Variants in CNTNAP2 observed in about 807,000 individuals in gnomAD.
CNTNAP2 encodes contactin associated protein 2, also known as contactin-associated protein-like 2.
A neutral mutation model predicts 155.2 loss-of-function variants in CNTNAP2; 98 were observed. The observed-to-expected ratio is 0.63, with a 90% CI of 0.54 to 0.75. CNTNAP2 has a LOEUF of 0.75. Among genes scored for constraint, CNTNAP2 ranks in the 30% least tolerant of loss-of-function variants. The probability of loss-of-function intolerance (pLI) is 0.00; values close to 1 mark genes in which losing one functional copy is unlikely to be tolerated. For synonymous variants in CNTNAP2, 651 were observed against 631.2 expected (o/e 1.03, Z -0.47); for missense variants, 1,727 against 1,688.1 (o/e 1.02, Z -0.40).
At chr7:147,203,531 C>A (rs1584790863) in intron 8 of CNTNAP2, among the ~76,000 whole-genome samples, 1 of 152,274 alleles carries the variant, frequency 6.6e-6, no homozygotes, top group East Asian at 1.9e-4. Context: ...CACGCCCAGG[C>A]TCTTAATTTT....
Position 147,903,821 on chromosome 7 carries a change from C to T in CNTNAP2, c.2255+100C>T, listed in dbSNP as rs17170742. 67,126 of 1,408,746 alleles carry T rather than the reference C, an allele frequency of 0.048. 1,869 individuals carry two copies. The highest frequency in any genetic ancestry group is 0.056 in the Non-Finnish European group (57,139 of 1,024,372). The allele number at this position is 1,408,746 out of a possible 1,614,324, so 87.3% of individuals were successfully genotyped here. ...AAGTTTGAAAAGTGCTATAATAATA[C>T]GATAATAGGGTAGAAAGGTCTGGAA... On this transcript the variant is annotated intron_variant, in intron 14 of 23. Coordinates refer to ENST00000361727, the MANE Select transcript of CNTNAP2 (RefSeq NM_014141.6).
intron 8 of CNTNAP2, among the ~76,000 whole-genome samples, chr7:147,240,341 C>T (rs1803908064): frequency 6.6e-6 from 1 of 152,118 alleles, no homozygotes; most frequent in Admixed American, 6.5e-5. Flanking sequence ...AAAGAAAATG[C>T]ATAGTATTTA....
intron 13 of CNTNAP2, among the ~76,000 whole-genome samples, chr7:147,735,869 T>G (rs1005922651): frequency 1.6e-4 from 24 of 151,700 alleles, no homozygotes; most frequent in Non-Finnish European, 2.2e-4. Context: ...GTTTTCCATT[T>G]GCCTGGTAGA....
chr7:146,647,326 TAAG>T (rs1338740396), intron 1 of CNTNAP2, among the ~76,000 whole-genome samples: 1 of 151,940 alleles, frequency 6.6e-6, no homozygotes, highest in East Asian at 2.0e-4. Context: ...ATCCTTCTGT[TAAG>T]AAGGAGAAGA....
At chr7:146,684,622 CAATAATAGATCCA>C in intron 1 of CNTNAP2, among the ~76,000 whole-genome samples, 1 of 63,974 alleles carries the variant, frequency 1.6e-5, no homozygotes, top group Non-Finnish European at 2.8e-5. Context: ...CAGCTTCGAG[CAATAATAGATCCA>C]GCGCAAAAAA....
rs371512835 is a variant in CNTNAP2 at position 147,108,278 on chromosome 7, G to T, written c.682G>T (p.Gly228Ter). ...TSESEGVILH[G>*]EGQQGDYITL... ...TGAAAGTGAAGGAGTAATCCTGCAC[G>T]GAGAAGGACAGCAAGGAGATTACAT... The change falls in exon 5 of 24, where the codon GGA (glycine) becomes TGA (stop). Residue 228 changes from glycine to a stop codon, truncating the protein, a stop_gained. Coordinates refer to ENST00000361727, the MANE Select transcript of CNTNAP2 (RefSeq NM_014141.6). LOFTEE classifies it high-confidence loss of function. 6.2e-7 allele frequency: 1 copy of T among 1,613,698 alleles called. No homozygotes were observed. Among genetic ancestry groups the T allele is most frequent in the Admixed American group, 1.7e-5 (1 of 59,970 alleles).
chr7:147,514,847 G>A (rs1408653041), intron 11 of CNTNAP2, among the ~76,000 whole-genome samples: 3 of 152,058 alleles, frequency 2.0e-5, no homozygotes, highest in South Asian at 4.1e-4. Flanking sequence ...AAACACCATC[G>A]TCCTCTGTCT....
chr7:146,979,744 TGAGGGCACCAA>T (rs1178800578), intron 3 of CNTNAP2, among the ~76,000 whole-genome samples: 1 of 152,156 alleles, frequency 6.6e-6, no homozygotes, highest in East Asian at 1.9e-4. Flanking sequence ...CTAAATATTA[TGAGGGCACCAA>T]GAGGGTTACA....
In CNTNAP2 at chr7:148,210,316, C is replaced by T. The variant is rs1453724712; in HGVS notation, c.3011-6972C>T. 3.9e-5 allele frequency among the ~76,000 whole-genome samples: 6 copies of T among 152,346 alleles called. No individual in the cohort carries two copies. The South Asian group carries it at 1.0e-3, about 26-fold the overall frequency. ...ATGAAGTTAGCTGTAGTGAAGCCCT[C>T]ATCTCATTTGCTGTCCCCAAAACAT... On this transcript the variant is annotated intron_variant, in intron 18 of 23. Coordinates refer to ENST00000361727, the MANE Select transcript of CNTNAP2 (RefSeq NM_014141.6).
At chr7:147,121,595 C>T (rs1249604123) in intron 6 of CNTNAP2, 1 of 163,622 alleles carries the variant, frequency 6.1e-6, no homozygotes, top group Non-Finnish European at 1.3e-5. Flanking sequence ...TTTAGAAACT[C>T]ATGACTGTAG....
chr7:146,275,798 G>A (rs1049651347), intron 1 of CNTNAP2, among the ~76,000 whole-genome samples: 2 of 152,144 alleles, frequency 1.3e-5, no homozygotes, highest in South Asian at 2.1e-4. Flanking sequence ...TGGAGGTTTC[G>A]CATTTCCCAT....
intron 8 of CNTNAP2, among the ~76,000 whole-genome samples, chr7:147,253,634 A>C (rs145632138): frequency 1.7e-3 from 254 of 152,284 alleles, no homozygotes; most frequent in African/African-American, 5.5e-3. Context: ...CGCTGTGAGC[A>C]AAACTGTTTC....
rs1804523837 is a variant in CNTNAP2 at position 148,118,405 on chromosome 7, G to A, written c.2554+117G>A. On this transcript the variant is annotated intron_variant, in intron 16 of 23. Coordinates refer to ENST00000361727, the MANE Select transcript of CNTNAP2 (RefSeq NM_014141.6). ...ACGTGGAAGGTTTCCTTTGTTCCAGGAGCAGGACTAGAGGTGGACACACAA... is the reference window on the plus strand; with the variant it reads ...ACGTGGAAGGTTTCCTTTGTTCCAGAAGCAGGACTAGAGGTGGACACACAA... 4 of 1,151,778 alleles carry A rather than the reference G, an allele frequency of 3.5e-6. No homozygotes were observed. In the East Asian group the frequency reaches 7.6e-5, roughly 22 times the overall value. The allele number at this position is 1,151,778 out of a possible 1,614,324, so 71.3% of individuals were successfully genotyped here.
At chr7:147,135,203 A>G (rs1231372012) in intron 8 of CNTNAP2, among the ~76,000 whole-genome samples, 2 of 151,838 alleles carry the variant, frequency 1.3e-5, no homozygotes, top group African/African-American at 2.4e-5. Context: ...AGTTGTGATT[A>G]CTGTCTTCAA....
chr7:146,303,027 T>C lies in CNTNAP2; in HGVS notation c.97+186054T>C, dbSNP rs375022110. Among the ~76,000 whole-genome samples the C allele has an allele frequency of 7.4e-4, 113 of 151,956 alleles. 1 individual carries two copies. In the South Asian group the frequency reaches 9.6e-3, roughly 13 times the overall value. ...AAAGTAATAGGTACTAAAGTAATGG[T>C]ATTGAGATTCAGAGATGGGAGAAAC... On this transcript the variant is annotated intron_variant, in intron 1 of 23. Transcript: ENST00000361727.
chr7:146,820,009 T>C (rs760915223), intron 2 of CNTNAP2, among the ~76,000 whole-genome samples: 1 of 152,214 alleles, frequency 6.6e-6, no homozygotes, highest in Non-Finnish European at 1.5e-5. Flanking sequence ...GTTATAGTGG[T>C]ATTTTCTTCA....
intron 3 of CNTNAP2, among the ~76,000 whole-genome samples, chr7:146,982,951 G>GA (rs560181340): frequency 5.9e-5 from 9 of 151,582 alleles, no homozygotes; most frequent in Non-Finnish European, 1.2e-4. Context: ...TGCAAAATTG[G>GA]AAAAAAAAGT....
chr7:147,737,268 TG>T (rs1379272633), intron 13 of CNTNAP2, among the ~76,000 whole-genome samples: 1 of 152,200 alleles, frequency 6.6e-6, no homozygotes, highest in Non-Finnish European at 1.5e-5. Flanking sequence ...GCAGGTCTGT[TG>T]GAGTTTGCTG....
At chr7:146,345,844 G>T (rs1405973024) in intron 1 of CNTNAP2, among the ~76,000 whole-genome samples, 1 of 152,126 alleles carries the variant, frequency 6.6e-6, no homozygotes, top group Non-Finnish European at 1.5e-5. Flanking sequence ...GAGGAGCAGG[G>T]CAAGAAACGG....
Sources: gnomAD v4.1 joint callset for allele counts (sites outside exome capture counted in the v4.1 genomes callset) on GRCh38, gnomAD v4.1.1 for gene constraint, MANE v1.5 for transcripts, NCBI Gene and HGNC (gene_info 2026-07-23, HGNC 2026-07-21) for gene names.